CNTNAP2: variants seen among roughly 807,000 people sequenced by gnomAD.
CNTNAP2 encodes contactin-associated protein-like 2.
In CNTNAP2, 98 loss-of-function variants were observed where a neutral mutation model predicts 155.2. The observed-to-expected ratio is 0.63, with a 90% CI of 0.54 to 0.75. The LOEUF is 0.75. Ranked by LOEUF, CNTNAP2 falls within the 30% of genes least tolerant of loss-of-function variation. CNTNAP2 has a pLI of 0.00. For missense variants in CNTNAP2, 1,727 were observed against 1,688.1 expected, an observed-to-expected ratio of 1.02 and a Z score of -0.40; for synonymous variants, 651 against 631.2, an observed-to-expected ratio of 1.03 and a Z score of -0.47.
chr7:147,621,421 A>T (rs528251541), intron 12 of CNTNAP2, among the ~76,000 whole-genome samples: 1 of 152,262 alleles, frequency 6.6e-6, no homozygotes, highest in African/African-American at 2.4e-5. Flanking sequence ...TAAAAAGTAC[A>T]ACAATTTTTG....
At chr7:148,176,624 T>G (rs1562984900) in intron 18 of CNTNAP2, among the ~76,000 whole-genome samples, 1 of 152,122 alleles carries the variant, frequency 6.6e-6, no homozygotes, top group Non-Finnish European at 1.5e-5. Flanking sequence ...TGGGGAATAT[T>G]TCATGGTTTG....
intron 21 of CNTNAP2, among the ~76,000 whole-genome samples, chr7:148,332,383 CATAGTT>C (rs1341710856): frequency 2.0e-5 from 3 of 152,128 alleles, no homozygotes; most frequent in Non-Finnish European, 2.9e-5. Context: ...ATGCTTTACT[CATAGTT>C]AGAGGGAGAA....
intron 9 of CNTNAP2, among the ~76,000 whole-genome samples, chr7:147,336,637 A>T (rs1795669152): frequency 6.6e-6 from 1 of 152,096 alleles, no homozygotes; most frequent in Non-Finnish European, 1.5e-5. Context: ...GGGGAGATGA[A>T]ATCTTGCTAA....
intron 1 of CNTNAP2, among the ~76,000 whole-genome samples, chr7:146,130,205 T>C (rs915145519): frequency 1.3e-5 from 2 of 152,218 alleles, no homozygotes; most frequent in African/African-American, 4.8e-5. Flanking sequence ...CTCATGCGTA[T>C]TATCCCAGCA....
intron 1 of CNTNAP2, among the ~76,000 whole-genome samples, chr7:146,597,295 T>C (rs1798876970): frequency 6.6e-6 from 1 of 152,046 alleles, no homozygotes; most frequent in Non-Finnish European, 1.5e-5. Context: ...AATACGATCA[T>C]CTGCTATAAT....
At chr7:146,159,879 A>C (rs1385364211) in intron 1 of CNTNAP2, among the ~76,000 whole-genome samples, 1 of 152,196 alleles carries the variant, frequency 6.6e-6, no homozygotes, top group African/African-American at 2.4e-5. Context: ...TCAGCTCTGC[A>C]CCAAGCAGAC....
intron 21 of CNTNAP2, among the ~76,000 whole-genome samples, chr7:148,364,492 A>G (rs562529785): frequency 8.6e-5 from 13 of 151,786 alleles, no homozygotes; most frequent in African/African-American, 2.9e-4. Context: ...AAATACACCA[A>G]TCGGCACTCT....
At chr7:147,908,778 G>A (rs1687742752) in intron 14 of CNTNAP2, among the ~76,000 whole-genome samples, 1 of 152,188 alleles carries the variant, frequency 6.6e-6, no homozygotes, top group South Asian at 2.1e-4. Flanking sequence ...GCTTTTAGAT[G>A]CTTTGTCCAG....
chr7:147,534,465 G>A (rs1413677220), intron 11 of CNTNAP2, among the ~76,000 whole-genome samples: 1 of 152,126 alleles, frequency 6.6e-6, no homozygotes, highest in Non-Finnish European at 1.5e-5. Flanking sequence ...TAAGCCAGTA[G>A]TACCCTTACA....
At chr7:147,359,256 C>T (rs1381052158) in intron 9 of CNTNAP2, among the ~76,000 whole-genome samples, 1 of 152,120 alleles carries the variant, frequency 6.6e-6, no homozygotes, top group African/African-American at 2.4e-5. Flanking sequence ...TTGGAGTTCT[C>T]TTTGACTCAA....
chr7:148,231,859 A>G (rs1795968212), intron 20 of CNTNAP2, among the ~76,000 whole-genome samples: 1 of 152,186 alleles, frequency 6.6e-6, no homozygotes, highest in African/African-American at 2.4e-5. Flanking sequence ...CCTCAAAAGA[A>G]CAGAATGCAG....
At chr7:148,139,405 A>G (rs762118042) in intron 16 of CNTNAP2, among the ~76,000 whole-genome samples, 62 of 152,320 alleles carry the variant, frequency 4.1e-4, no homozygotes, top group Non-Finnish European at 8.5e-4. Context: ...CTCTATATCT[A>G]GTCATTACTG....
intron 1 of CNTNAP2, among the ~76,000 whole-genome samples, chr7:146,294,135 G>T (rs1195122679): frequency 6.6e-6 from 1 of 152,314 alleles, no homozygotes; most frequent in East Asian, 1.9e-4. Context: ...CAATTCGACA[G>T]AATCACAAAG....
intron 9 of CNTNAP2, among the ~76,000 whole-genome samples, chr7:147,363,652 G>A (rs1160552867): frequency 6.6e-6 from 1 of 152,124 alleles, no homozygotes; most frequent in Non-Finnish European, 1.5e-5. Context: ...TATCAACTCA[G>A]TCTTGGAGTC....
intron 13 of CNTNAP2, among the ~76,000 whole-genome samples, chr7:147,897,312 G>A (rs911233181): frequency 6.6e-6 from 1 of 152,078 alleles, no homozygotes; most frequent in Admixed American, 6.6e-5. Flanking sequence ...TCATAAATTG[G>A]GCAGAGATTC....
intron 3 of CNTNAP2, among the ~76,000 whole-genome samples, chr7:146,867,781 C>G (rs1197551194): frequency 6.6e-6 from 1 of 150,734 alleles, no homozygotes; most frequent in Non-Finnish European, 1.5e-5. Context: ...GTGATAGTGA[C>G]TTTTTTTTTT....
At chr7:147,840,234 T>C (rs186323377) in intron 13 of CNTNAP2, among the ~76,000 whole-genome samples, 22 of 152,176 alleles carry the variant, frequency 1.4e-4, no homozygotes, top group Admixed American at 1.4e-3. Context: ...TGGGTGATAG[T>C]TATCCTAAAA....
intron 13 of CNTNAP2, among the ~76,000 whole-genome samples, chr7:147,662,240 C>A (rs983363092): frequency 6.6e-6 from 1 of 152,174 alleles, no homozygotes; most frequent in African/African-American, 2.4e-5. Context: ...GATCCTTTGC[C>A]CTTTACAAAC....
intron 20 of CNTNAP2, among the ~76,000 whole-genome samples, chr7:148,232,109 G>A (rs922325222): frequency 1.3e-5 from 2 of 152,126 alleles, no homozygotes; most frequent in Non-Finnish European, 2.9e-5. Flanking sequence ...CACGGCCTGG[G>A]GAGCTCCAAT....
Sources: allele counts gnomAD v4.1 joint callset (sites outside exome capture counted in the v4.1 genomes callset), GRCh38; gene constraint gnomAD v4.1.1; transcripts MANE v1.5; gene names NCBI Gene and HGNC (gene_info 2026-07-23, HGNC 2026-07-21).